The following DCLK1 variants were observed in gnomAD, a reference collection of about 807,000 sequenced individuals.
DCLK1 encodes doublecortin like kinase 1, also known as serine/threonine-protein kinase DCLK1.
In DCLK1, 16 loss-of-function variants were observed where a neutral mutation model predicts 86.2. That is an observed-to-expected ratio of 0.19 (90% confidence interval 0.13 to 0.28). The LOEUF is 0.28. Ranked by LOEUF, DCLK1 falls within the 10% of genes least tolerant of loss-of-function variation. DCLK1 has a pLI of 1.00. For synonymous variants in DCLK1, 369 were observed against 370.5 expected (o/e 1.00, Z 0.05); for missense variants, 590 against 940.2 (o/e 0.63, Z 4.87).
intron 2 of DCLK1, among the ~76,000 whole-genome samples, chr13:36,115,807 T>A (rs1281280649): frequency 6.6e-6 from 1 of 151,132 alleles, no homozygotes; most frequent in Non-Finnish European, 1.5e-5. Flanking sequence ...AATGTCAGAA[T>A]ATGGTAATTT....
chr13:36,082,990 G>A (rs1351793435), intron 3 of DCLK1, among the ~76,000 whole-genome samples: 1 of 149,900 alleles, frequency 6.7e-6, no homozygotes, highest in Non-Finnish European at 1.5e-5. Context: ...GTCCACAAAA[G>A]TTGCTTCTTT....
chr13:35,788,693 T>C (rs9646082), intron 16 of DCLK1, among the ~76,000 whole-genome samples: 3 of 152,088 alleles, frequency 2.0e-5, no homozygotes, highest in African/African-American at 7.2e-5. Flanking sequence ...AGGCTTAAAT[T>C]TGAGGGCTTC....
rs368914095 is a variant in DCLK1 at position 35,855,415 on chromosome 13, G to C, written c.941-822C>G. On this transcript the variant is annotated intron_variant, in intron 5 of 16. Transcript: ENST00000360631. ...GTAAAAATGGCATTACAGCCCCACA[G>C]TCAGTGAAGTAGAATTAACCAGGAG... 13 of 1,248,226 alleles carry C rather than the reference G, an allele frequency of 1.0e-5. No individual in the cohort carries two copies. In the African/African-American group the frequency reaches 1.2e-4, roughly 11 times the overall value. The allele number at this position is 1,248,226 out of a possible 1,614,324, so 77.3% of individuals were successfully genotyped here.
At chr13:35,848,620 C>A in intron 6 of DCLK1, 7 of 985,288 alleles carry the variant, frequency 7.1e-6, no homozygotes, top group Non-Finnish European at 8.4e-6. Flanking sequence ...TATCAATTGG[C>A]AATATCTACC....
At chr13:35,941,365 A>G (rs1457632190) in intron 4 of DCLK1, among the ~76,000 whole-genome samples, 1 of 152,204 alleles carries the variant, frequency 6.6e-6, no homozygotes, top group Non-Finnish European at 1.5e-5. Flanking sequence ...AAATGGTTAG[A>G]ATAGAATATT....
chr13:35,828,151 C>T (rs1566554575), intron 9 of DCLK1, 99 bp downstream of exon 9: 5 of 986,686 alleles, frequency 5.1e-6, no homozygotes, highest in Non-Finnish European at 7.8e-6. Context: ...CACCAAAATT[C>T]AACCCTTAGG....
intron 3 of DCLK1, among the ~76,000 whole-genome samples, chr13:35,952,686 T>C (rs1877763561): frequency 6.6e-6 from 1 of 152,212 alleles, no homozygotes; most frequent in South Asian, 2.1e-4. Context: ...TTATAGTACA[T>C]GACACTTAAT....
intron 11 of DCLK1, among the ~76,000 whole-genome samples, chr13:35,815,790 G>C (rs2087250654): frequency 6.6e-6 from 1 of 151,902 alleles, no homozygotes; most frequent in South Asian, 2.1e-4. Flanking sequence ...ATGTACTTTT[G>C]AATTAAATCT....
At chr13:35,996,786 T>C (rs571100836) in intron 3 of DCLK1, among the ~76,000 whole-genome samples, 2 of 152,336 alleles carry the variant, frequency 1.3e-5, no homozygotes, top group South Asian at 4.1e-4. Flanking sequence ...AAGGGTATTA[T>C]CCACTCTGTG....
chr13:35,822,639 TA>T, intron 11 of DCLK1, 89 bp downstream of exon 11: 1 of 1,573,310 alleles, frequency 6.4e-7, no homozygotes. Flanking sequence ...GGTAAATTTT[TA>T]AAAAAAGAAA....
chr13:35,835,936 T>C (rs1869336815), intron 8 of DCLK1, 97 bp downstream of exon 8: 1 of 919,090 alleles, frequency 1.1e-6, no homozygotes, highest in South Asian at 1.8e-5. Context: ...ATTAACTTAT[T>C]CCATATGTGC....
In DCLK1 at chr13:35,777,197, C is replaced by T. The variant is rs556666882; in HGVS notation, c.2059-2498G>A. ...ATGGATCCCCAGGATCCTCATGACA[C>T]GTATTCTTGGAAATATATCACGGTC... On this transcript the variant is annotated intron_variant, in intron 16 of 16. Coordinates refer to ENST00000360631, the MANE Select transcript of DCLK1 (RefSeq NM_001330071.2). Among the ~76,000 whole-genome samples, 5 of 152,214 alleles carry T rather than the reference C, an allele frequency of 3.3e-5. No individual in the cohort carries two copies. In the South Asian group the frequency reaches 1.0e-3, roughly 32 times the overall value.
chr13:35,793,871 C>T (rs1330056535), intron 15 of DCLK1, among the ~76,000 whole-genome samples: 2 of 151,982 alleles, frequency 1.3e-5, no homozygotes, highest in Non-Finnish European at 2.9e-5. Context: ...TCCTCTTAAC[C>T]CATCATTTAG....
chr13:36,039,675 T>A (rs1328473887), intron 3 of DCLK1, among the ~76,000 whole-genome samples: 3 of 151,948 alleles, frequency 2.0e-5, no homozygotes, highest in Non-Finnish European at 4.4e-5. Context: ...CCTTCTATCT[T>A]CCAAAACTAA....
At chr13:35,875,999 C>T (rs1029120341) in intron 4 of DCLK1, among the ~76,000 whole-genome samples, 15 of 152,052 alleles carry the variant, frequency 9.9e-5, no homozygotes, top group African/African-American at 3.1e-4. Context: ...TCCATGGTGA[C>T]GAAAGCCTGG....
At position 35,942,780 on chromosome 13, in the gene DCLK1, ACTGT is replaced by A. The variant is rs1357928035; in HGVS notation, c.823+4574_823+4577del. Among the ~76,000 whole-genome samples the A allele has an allele frequency of 3.3e-5, 5 of 152,268 alleles. No individual in the cohort carries two copies. The East Asian group carries it at 9.7e-4, about 29-fold the overall frequency. ...TCAAATGCACTGTTGAAATTCTCAGACTGTCTGACAGCATTCCTCTGATCCATGA... is the reference window on the plus strand; with the variant it reads ...TCAAATGCACTGTTGAAATTCTCAGACTGACAGCATTCCTCTGATCCATGA... On this transcript the variant is annotated intron_variant, in intron 4 of 16. Transcript: ENST00000360631.
At chr13:35,834,687 C>T (rs1869223178) in intron 8 of DCLK1, among the ~76,000 whole-genome samples, 1 of 152,166 alleles carries the variant, frequency 6.6e-6, no homozygotes, top group African/African-American at 2.4e-5. Context: ...GCCAAATGGC[C>T]AAGCTTCGTG....
chr13:35,833,703 C>T (rs926712684), intron 8 of DCLK1, among the ~76,000 whole-genome samples: 12 of 152,198 alleles, frequency 7.9e-5, no homozygotes, highest in African/African-American at 2.9e-4. Context: ...TCCTTCCAAA[C>T]ACAGCAGAAT....
At chr13:36,031,610 TA>T (rs1453724100) in intron 3 of DCLK1, among the ~76,000 whole-genome samples, 4 of 152,324 alleles carry the variant, frequency 2.6e-5, no homozygotes, top group African/African-American at 9.6e-5. Flanking sequence ...TCTTATTAGA[TA>T]ATTAAGTACC....
Sources: allele counts gnomAD v4.1 joint callset (sites outside exome capture counted in the v4.1 genomes callset), GRCh38; gene constraint gnomAD v4.1.1; transcripts MANE v1.5; gene names NCBI Gene and HGNC (gene_info 2026-07-23, HGNC 2026-07-21).